Variants in TDP2 observed in about 807,000 individuals in gnomAD.
TDP2 encodes the protein 5'-Tyr-DNA phosphodiesterase.
Under a neutral mutation model 42.8 loss-of-function variants are expected in TDP2, and 38 were observed. The observed-to-expected ratio is 0.89, with a 90% CI of 0.68 to 1.16. The LOEUF is 1.16. Ranked by LOEUF, TDP2 falls within the 50% of genes most tolerant of loss-of-function variation. The pLI is 0.00. For missense variants in TDP2, 439 were observed against 439.3 expected (o/e 1.00, Z 0.01); for synonymous variants, 173 against 150.6 (o/e 1.15, Z -1.09).
rs190332937 is a variant in TDP2 at position 24,666,597 on chromosome 6, G to C, written c.180C>G (p.Ser60=). The C allele has an allele frequency of 6.2e-7, 1 of 1,614,222 alleles. No homozygotes were observed. Among genetic ancestry groups the C allele is most frequent in the African/African-American group, 1.3e-5 (1 of 75,070 alleles). The change falls in exon 2 of 7, where the codon TCC becomes TCG. Residue 60 remains serine, a synonymous_variant. Coordinates refer to ENST00000378198, the MANE Select transcript of TDP2 (RefSeq NM_016614.3). ...NDWEMERALN[S]YFEPPVEESA... ...TCTCCTCCACCGGAGGCTCGAAGTA[G>C]GAGTTCAGAGCCCTCTGAAAAACAA... is the stretch of plus-strand genomic sequence containing the variant.
chr6:24,663,413 G>A (rs993264971), intron 2 of TDP2, among the ~76,000 whole-genome samples: 2 of 152,216 alleles, frequency 1.3e-5, no homozygotes, highest in African/African-American at 4.8e-5. Flanking sequence ...TGGCTCCAGA[G>A]TCCATGCTCT....
At chr6:24,654,564 G>T in intron 4 of TDP2, 34 bp from the exon 5 acceptor site, 1 of 1,141,970 alleles carries the variant, frequency 8.8e-7, no homozygotes, top group South Asian at 1.3e-5. Context: ...TTTAGGCTGA[G>T]AAGGTGAGAG....
chr6:24,666,461 G>C, intron 2 of TDP2, 65 bp downstream of exon 2: 1 of 1,545,956 alleles, frequency 6.5e-7, no homozygotes, highest in Non-Finnish European at 8.9e-7. Context: ...GTCCCAGGAC[G>C]CGCAGGGCTA....
chr6:24,659,911 T>C (rs1778115218), intron 2 of TDP2, among the ~76,000 whole-genome samples: 1 of 152,152 alleles, frequency 6.6e-6, no homozygotes, highest in Admixed American at 6.5e-5. Flanking sequence ...CCAACCACCC[T>C]GAGACTGCCA....
chr6:24,662,210 C>G (rs1409247361), intron 2 of TDP2, among the ~76,000 whole-genome samples: 2 of 152,154 alleles, frequency 1.3e-5, no homozygotes, highest in East Asian at 3.9e-4. Flanking sequence ...AGAGAAAGAT[C>G]TGACCGTCCC....
chr6:24,652,578 A>C (rs2127616902), intron 6 of TDP2, among the ~76,000 whole-genome samples: 1 of 152,304 alleles, frequency 6.6e-6, no homozygotes, highest in Non-Finnish European at 1.5e-5. Context: ...AAAAAAGAAA[A>C]GGAAACCTCA....
chr6:24,658,538 T>C (rs760021221), intron 3 of TDP2, 23 bp downstream of exon 3: 15 of 1,583,392 alleles, frequency 9.5e-6, no homozygotes, highest in Admixed American at 3.6e-5. Flanking sequence ...ACATTACTAT[T>C]AAATAGAAGT....
Position 24,650,641 on chromosome 6 carries a change from G to T in TDP2, c.*147C>A. ...TAAATAAACATTAATCTTTAATGTT[G>T]AATTCTGAAAACACAACCATAAATC... On this transcript the variant is annotated 3_prime_UTR_variant, in exon 7 of 7. Transcript: ENST00000378198. 3 of 763,280 alleles carry T rather than the reference G, an allele frequency of 3.9e-6. No individual in the cohort carries two copies. The highest frequency in any genetic ancestry group is 6.2e-6 in the Non-Finnish European group (3 of 483,818). 47.3% of individuals were successfully genotyped at this position (763,280 alleles called of 1,614,324 possible). A position where few individuals can be genotyped will look rare whatever the true frequency, so the allele number is the denominator to read the frequency against.
chr6:24,666,089 C>T, intron 2 of TDP2: 1 of 1,536,080 alleles, frequency 6.5e-7, no homozygotes, highest in Non-Finnish European at 8.8e-7. Context: ...AGTAGGTGTG[C>T]ATTAAAAAAA....
At position 24,666,803 on chromosome 6, in the gene TDP2, A is replaced by G. The variant is rs1778254270; in HGVS notation, c.60T>C (p.Pro20=). The change falls in exon 1 of 7, where the codon CCT becomes CCC. Residue 20 remains proline, a synonymous_variant. Coordinates refer to ENST00000378198, the MANE Select transcript of TDP2 (RefSeq NM_016614.3). ...GREAAEEEGE[P]EVKKRRLLCV... is the part of the protein sequence containing the mutation. ...ACAGAAGTCGCCGCTTTTTCACCTCAGGCTCGCCCTCTTCCTCCGCCGCCT... is the reference window on the plus strand; with the variant it reads ...ACAGAAGTCGCCGCTTTTTCACCTCGGGCTCGCCCTCTTCCTCCGCCGCCT... 1 of 1,614,198 alleles carries G rather than the reference A, an allele frequency of 6.2e-7. No homozygotes were observed. Among genetic ancestry groups the G allele is most frequent in the African/African-American group, 1.3e-5 (1 of 75,054 alleles).
At position 24,651,191 on chromosome 6, in the gene TDP2, A is replaced by C; in HGVS notation, c.808-122T>G. 5.5e-6 allele frequency: 4 copies of C among 728,576 alleles called. No homozygotes were observed. The South Asian group carries it at 7.8e-5, about 14-fold the overall frequency. 45.1% of individuals were successfully genotyped at this position (728,576 alleles called of 1,614,324 possible). A position where few individuals can be genotyped will look rare whatever the true frequency, so the allele number is the denominator to read the frequency against. On this transcript the variant is annotated intron_variant, in intron 6 of 6. Transcript: ENST00000378198. ...GAAATTATTAATGCAGAAATGCAAA[A>C]CAATGAGATACATTATAAAAAGTAC...
intron 2 of TDP2, chr6:24,666,224 A>C: frequency 6.5e-7 from 1 of 1,547,348 alleles, no homozygotes; most frequent in Non-Finnish European, 8.7e-7. Context: ...GCCTTCGTTC[A>C]TTTGTTTCAA....
intron 2 of TDP2, among the ~76,000 whole-genome samples, chr6:24,664,684 T>A (rs1301834641): frequency 1.3e-5 from 2 of 152,170 alleles, no homozygotes; most frequent in African/African-American, 4.8e-5. Context: ...TCCCTTTCAT[T>A]TTTGCTAAAG....
intron 2 of TDP2, 86 bp from the exon 3 acceptor site, chr6:24,658,820 A>G: frequency 1.4e-6 from 2 of 1,413,292 alleles, no homozygotes; most frequent in Non-Finnish European, 1.9e-6. Context: ...CTCATTTTAC[A>G]GACAAATTTT....
rs754973689 is a variant in TDP2, at chr6:24,657,843, C to CT, written c.485dup (p.Lys163GlufsTer5). 6 of 1,583,266 alleles carry CT rather than the reference C, an allele frequency of 3.8e-6. No individual in the cohort carries two copies. The highest frequency in any genetic ancestry group is 5.2e-6 in the Non-Finnish European group (6 of 1,164,322). On this transcript the variant is annotated frameshift_variant, in exon 4 of 7. Transcript: ENST00000378198. LOFTEE classifies it high-confidence loss of function. ...TAATCTCATAATTACTTGATCTCTT[C>CT]TTTAGGTAGCTATAATATGGGGGAA... is the stretch of plus-strand genomic sequence containing the variant.
intron 4 of TDP2, among the ~76,000 whole-genome samples, chr6:24,656,208 TAGG>T (rs1334799155): frequency 6.6e-6 from 1 of 152,140 alleles, no homozygotes; most frequent in Non-Finnish European, 1.5e-5. Flanking sequence ...ATTCAGTGAA[TAGG>T]AGGCCTAGGA....
intron 1 of TDP2, 26 bp downstream of exon 1, chr6:24,666,672 C>T (rs773122729): frequency 6.2e-7 from 1 of 1,613,990 alleles, no homozygotes; most frequent in Non-Finnish European, 8.5e-7. Context: ...GTAATGGAGC[C>T]GGAAGCGAGG....
chr6:24,655,692 G>A (rs543062886), intron 4 of TDP2, among the ~76,000 whole-genome samples: 4 of 152,190 alleles, frequency 2.6e-5, no homozygotes, highest in Non-Finnish European at 5.9e-5. Flanking sequence ...CACTGATTAA[G>A]TAAAGTGTGC....
rs192090296 is a variant in TDP2 at position 24,661,747 on chromosome 6, T to C, written c.252-3013A>G. The stretch of plus-strand genomic sequence containing the variant: ...AAAAAAAAAGTGCAAAACTTTCTTT[T>C]GTGAATTTCATCCTACCCAAAAGTT... On this transcript the variant is annotated intron_variant, in intron 2 of 6. Coordinates refer to ENST00000378198, the MANE Select transcript of TDP2 (RefSeq NM_016614.3). Among the ~76,000 whole-genome samples the C allele has an allele frequency of 3.1e-3, 470 of 152,320 alleles. 2 individuals are homozygous for C. The highest frequency in any genetic ancestry group is 0.01 in the African/African-American group (421 of 41,586).
Sources: gnomAD v4.1 joint callset for allele counts (sites outside exome capture counted in the v4.1 genomes callset) on GRCh38, gnomAD v4.1.1 for gene constraint, MANE v1.5 for transcripts, NCBI Gene and HGNC (gene_info 2026-07-23, HGNC 2026-07-21) for gene names.